Variants in RIPOR2 observed in about 807,000 individuals in gnomAD.
The protein encoded by RIPOR2 is RHO family interacting cell polarization regulator 2, also known as rho family-interacting cell polarization regulator 2.
RIPOR2 carries 39 observed loss-of-function variants against 114.5 expected under a neutral mutation model. The observed-to-expected ratio is 0.34, with a 90% confidence interval of 0.26 to 0.44. The LOEUF is 0.44. RIPOR2 is among the 20% of genes least tolerant of loss of function. The probability of loss-of-function intolerance (pLI) is 1.00; values close to 1 mark genes in which losing one functional copy is unlikely to be tolerated. For missense variants in RIPOR2, 1,007 were observed against 1,255.1 expected (o/e 0.80, Z 2.99); for synonymous variants, 445 against 484.4 (o/e 0.92, Z 1.07).
intron 8 of RIPOR2, among the ~76,000 whole-genome samples, chr6:24,856,618 G>C (rs146760483): frequency 2.0e-5 from 3 of 152,250 alleles, no homozygotes; most frequent in Middle Eastern, 3.4e-3. Context: ...AGCCGGGTGC[G>C]ATGGTGGGCA....
At chr6:24,811,431 T>C (rs1781154681) in intron 20 of RIPOR2, among the ~76,000 whole-genome samples, 1 of 151,124 alleles carries the variant, frequency 6.6e-6, no homozygotes, top group Non-Finnish European at 1.5e-5. Flanking sequence ...GAGACGGGGT[T>C]TCATCATGTT....
chr6:24,883,315 A>C lies in RIPOR2; in HGVS notation c.62-7498T>G, dbSNP rs886308370. Among the ~76,000 whole-genome samples, 20 of 152,208 alleles carry C rather than the reference A, an allele frequency of 1.3e-4. No homozygotes were observed. The highest frequency in any genetic ancestry group is 4.6e-4 in the African/African-American group (19 of 41,456). ...GAAACCAATAGTTGTCACACTTACA[A>C]AGCTATGCCATCTCCATAAGCTAGA... On this transcript the variant is annotated intron_variant, in intron 1 of 21. Coordinates refer to ENST00000643898, the MANE Select transcript of RIPOR2 (RefSeq NM_001286445.3). This position sits in a 1 kb window ranked among gnomAD's most constrained non-coding sequence, Gnocchi z 4.1.
intron 1 of RIPOR2, among the ~76,000 whole-genome samples, chr6:24,903,943 G>A (rs1027384104): frequency 6.6e-6 from 1 of 152,222 alleles, no homozygotes; most frequent in African/African-American, 2.4e-5. Context: ...GCGTCAGATA[G>A]AGTGATCGGC....
At position 24,873,754 on chromosome 6, in the gene RIPOR2, C is replaced by T; in HGVS notation, c.234G>A (p.Gln78=). 6.2e-7 allele frequency: 1 copy of T among 1,613,250 alleles called. No individual in the cohort carries two copies. Among genetic ancestry groups the T allele is most frequent in the Non-Finnish European group, 8.5e-7 (1 of 1,179,708 alleles). Residue 78 remains glutamine, a synonymous_variant, in exon 3 of 22, where the codon CAG becomes CAA. Transcript: ENST00000643898. ...AATTGTGCATTTTCTTCAGTTTGGC[C>T]TGAGGCTTCTTGAGAGCGGAGGAAT... ...IENSSALKKP[Q]AKLKKMHNLG...
At chr6:25,001,704 T>TC (rs1423688682) in intron 1 of RIPOR2, among the ~76,000 whole-genome samples, 18 of 146,584 alleles carry the variant, frequency 1.2e-4, no homozygotes, top group African/African-American at 4.0e-4. Context: ...TTTCTTTCTT[T>TC]TTTTTTTTTT....
intron 1 of RIPOR2, among the ~76,000 whole-genome samples, chr6:25,034,235 C>T (rs1208286188): frequency 2.4e-5 from 3 of 123,766 alleles, no homozygotes; most frequent in African/African-American, 6.2e-5. Context: ...CGCATATTAG[C>T]TTTGTATTAG....
chr6:25,041,428 A>G (rs1777458747), intron 1 of RIPOR2, among the ~76,000 whole-genome samples: 2 of 152,240 alleles, frequency 1.3e-5, no homozygotes, highest in Non-Finnish European at 2.9e-5. Context: ...CTGATCCTTG[A>G]ATTTCACCTC....
rs1777292721 is a variant in RIPOR2, at chr6:25,037,300, T to C, written c.76+4551A>G. Among the ~76,000 whole-genome samples, 1 of 152,184 alleles carries C rather than the reference T, an allele frequency of 6.6e-6. No individual in the cohort carries two copies. Among genetic ancestry groups the C allele is most frequent in the Non-Finnish European group, 1.5e-5 (1 of 68,036 alleles). ...TATACTTTTCAGGGTTTCTTTCCTT[T>C]AATCGCCCACCCCAACTGTGGCAGA... On this transcript the variant is annotated intron_variant, in intron 1 of 13. Transcript: ENST00000510784. The surrounding 1 kb of genome is among the most constrained non-coding windows in gnomAD (Gnocchi z 4.5).
chr6:24,828,401 A>C (rs1760377693), intron 17 of RIPOR2, 106 bp from the exon 18 acceptor site: 1 of 1,067,536 alleles, frequency 9.4e-7, no homozygotes, highest in African/African-American at 1.7e-5. Context: ...ACAGGGTCTC[A>C]CTTTGTTGCC....
At chr6:25,039,972 A>C (rs2113780777) in intron 1 of RIPOR2, among the ~76,000 whole-genome samples, 1 of 152,358 alleles carries the variant, frequency 6.6e-6, no homozygotes. Context: ...CGAAACTAGT[A>C]GACTGTGACT....
chr6:24,919,306 C>A (rs375798147), intron 1 of RIPOR2, among the ~76,000 whole-genome samples: 125 of 152,322 alleles, frequency 8.2e-4, no homozygotes, highest in African/African-American at 2.6e-3. Flanking sequence ...AAATTATTCA[C>A]GCCACCGAAG....
chr6:24,848,012 A>G lies in RIPOR2; in HGVS notation c.1164+13T>C. On this transcript the variant is annotated intron_variant, in intron 12 of 21. Coordinates refer to ENST00000643898, the MANE Select transcript of RIPOR2 (RefSeq NM_001286445.3). ...GTGCATTGATTCTACTCGGGAAATT[A>G]CACTGAACTTACAAAGAAGGAGTGG... 1.2e-6 allele frequency: 2 copies of G among 1,613,904 alleles called. No homozygotes were observed. The highest frequency in any genetic ancestry group is 1.7e-6 in the Non-Finnish European group (2 of 1,179,826).
intron 1 of RIPOR2, among the ~76,000 whole-genome samples, chr6:24,943,550 G>A (rs1772250697): frequency 6.6e-6 from 1 of 152,162 alleles, no homozygotes; most frequent in Non-Finnish European, 1.5e-5. Flanking sequence ...AAAATGGCCA[G>A]TATCGACTTT....
At chr6:25,023,025 A>G (rs9393607) in intron 1 of RIPOR2, among the ~76,000 whole-genome samples, 26,048 of 151,560 alleles carry the variant, frequency 0.17, 2,922 homozygotes, top group East Asian at 0.57. Flanking sequence ...GTATCTTTTA[A>G]TTGTCATTTA....
intron 1 of RIPOR2, among the ~76,000 whole-genome samples, chr6:24,986,270 G>A (rs1774525151): frequency 6.6e-6 from 1 of 152,136 alleles, no homozygotes; most frequent in Admixed American, 6.5e-5. Context: ...TAAGTAACTT[G>A]CCCAAGGTCA....
At chr6:24,849,678 G>A (rs1004648701) in intron 11 of RIPOR2, 124 bp downstream of exon 11, 9 of 853,492 alleles carry the variant, frequency 1.1e-5, no homozygotes, top group African/African-American at 1.7e-5. Flanking sequence ...CCTGGGGTGG[G>A]GCCCGAGATT....
At position 24,856,666 on chromosome 6, in the gene RIPOR2, A is replaced by T. The variant is rs1167818049; in HGVS notation, c.716-4048T>A. 3.3e-5 allele frequency among the ~76,000 whole-genome samples: 5 copies of T among 152,196 alleles called. No individual in the cohort carries two copies. In the East Asian group the frequency reaches 9.6e-4, roughly 29 times the overall value. On this transcript the variant is annotated intron_variant, in intron 8 of 21. Coordinates refer to ENST00000643898, the MANE Select transcript of RIPOR2 (RefSeq NM_001286445.3). ...GCTACTCCGGAGGCTGAGGCATGAG[A>T]ATCGCTTGAACCCAGGAGGCGGAGG...
chr6:24,835,921 A>G, intron 14 of RIPOR2, 50 bp from the exon 15 acceptor site: 3 of 1,533,886 alleles, frequency 2.0e-6, no homozygotes, highest in East Asian at 2.5e-5. Flanking sequence ...TGCACAAACC[A>G]CAGGTCAAGT....
chr6:24,835,534 G>A (rs1020201086), intron 15 of RIPOR2, among the ~76,000 whole-genome samples, 169 bp downstream of exon 15: 2 of 152,216 alleles, frequency 1.3e-5, no homozygotes, highest in African/African-American at 4.8e-5. Context: ...ACCCAAGGTT[G>A]TAGAGGGATG....
Sources: allele counts gnomAD v4.1 joint callset (sites outside exome capture counted in the v4.1 genomes callset), GRCh38; gene constraint gnomAD v4.1.1; non-coding constraint Gnocchi (gnomAD v3.1); transcripts MANE v1.5; gene names NCBI Gene and HGNC (gene_info 2026-07-23, HGNC 2026-07-21).